The following KDM4C variants were observed in gnomAD, a reference collection of about 807,000 sequenced individuals.
The protein encoded by KDM4C is lysine-specific demethylase 4C.
KDM4C carries 81 observed loss-of-function variants against 129.3 expected under a neutral mutation model. The ratio of observed to expected loss-of-function variants is 0.63; its 90% CI spans 0.52 to 0.75. KDM4C has a LOEUF of 0.75. KDM4C is among the 30% of genes least tolerant of loss of function. KDM4C has a pLI of 0.00. For synonymous variants in KDM4C, 573 were observed against 456.1 expected (o/e 1.26, Z -3.26); for missense variants, 1,457 against 1,304.0 (o/e 1.12, Z -1.81).
intron 18 of KDM4C, among the ~76,000 whole-genome samples, chr9:7,123,288 T>C (rs1220317453): frequency 6.6e-6 from 1 of 152,224 alleles, no homozygotes; most frequent in Non-Finnish European, 1.5e-5. Context: ...TTCCCTTGGC[T>C]AGCCTCTTCT....
intron 1 of KDM4C, among the ~76,000 whole-genome samples, chr9:6,731,320 TTTTGC>T (rs1817326095): frequency 7.9e-6 from 1 of 126,994 alleles, no homozygotes; most frequent in Non-Finnish European, 1.7e-5. Flanking sequence ...TACATTTTTT[TTTTGC>T]TTTTTTTTTT....
At chr9:7,099,840 C>A (rs925297051) in intron 17 of KDM4C, among the ~76,000 whole-genome samples, 8 of 152,194 alleles carry the variant, frequency 5.3e-5, no homozygotes, top group African/African-American at 1.4e-4. Flanking sequence ...GCTCTCTAAC[C>A]TTCTTTCATT....
chr9:7,032,511 T>C (rs1277482459), intron 15 of KDM4C, among the ~76,000 whole-genome samples: 2 of 152,260 alleles, frequency 1.3e-5, no homozygotes, highest in Admixed American at 1.3e-4. Flanking sequence ...AGAATAACTA[T>C]GGATTTTCAT....
At chr9:6,806,034 G>A (rs1054702420) in intron 3 of KDM4C, among the ~76,000 whole-genome samples, 2 of 151,986 alleles carry the variant, frequency 1.3e-5, no homozygotes, top group Non-Finnish European at 2.9e-5. Flanking sequence ...ATGAGTTTTC[G>A]TTTCTACACA....
chr9:7,175,272 T>C lies in KDM4C; in HGVS notation c.*543T>C. On this transcript the variant is annotated 3_prime_UTR_variant, in exon 22 of 22. Transcript: ENST00000381309. ...ATGAGATTTACCCGTGTGCTATCTG[T>C]ATTTCCCTTGTACAGAACTTTTACA... 1 of 153,026 alleles carries C rather than the reference T, an allele frequency of 6.5e-6. No individual in the cohort carries two copies. The highest frequency in any genetic ancestry group is 1.5e-5 in the Non-Finnish European group (1 of 68,220). 9.5% of individuals were successfully genotyped at this position (153,026 alleles called of 1,614,324 possible). A position where few individuals can be genotyped will look rare whatever the true frequency, so the allele number is the denominator to read the frequency against.
chr9:7,063,153 G>A (rs948673024), intron 17 of KDM4C, among the ~76,000 whole-genome samples: 15 of 152,162 alleles, frequency 9.9e-5, no homozygotes, highest in Non-Finnish European at 1.8e-4. Context: ...ATAACCATGA[G>A]ATTTTGGTAC....
intron 8 of KDM4C, among the ~76,000 whole-genome samples, chr9:6,923,542 TA>T (rs1237173832): frequency 1.3e-5 from 2 of 152,190 alleles, no homozygotes; most frequent in African/African-American, 2.4e-5. Flanking sequence ...TGCAAACTTT[TA>T]CTTTCCATGA....
At chr9:7,074,922 A>G (rs1348332134) in intron 17 of KDM4C, among the ~76,000 whole-genome samples, 1 of 152,222 alleles carries the variant, frequency 6.6e-6, no homozygotes, top group Non-Finnish European at 1.5e-5. Context: ...AGGAGTTTAC[A>G]AAGGTCTCAG....
chr9:6,994,827 CT>C (rs1238272495), intron 12 of KDM4C, among the ~76,000 whole-genome samples: 2 of 152,192 alleles, frequency 1.3e-5, no homozygotes, highest in African/African-American at 4.8e-5. Flanking sequence ...TATGTCAGCT[CT>C]TTCAGTTTTG....
chr9:6,926,341 T>TAAAAAAAAAA (rs33974740), intron 8 of KDM4C, among the ~76,000 whole-genome samples: 52 of 107,392 alleles, frequency 4.8e-4, no homozygotes, highest in South Asian at 2.2e-3. Context: ...AGATAATTTG[T>TAAAAAAAAAA]AAAAAAAAAA....
At chr9:7,054,843 G>T (rs894546577) in intron 17 of KDM4C, among the ~76,000 whole-genome samples, 1 of 152,184 alleles carries the variant, frequency 6.6e-6, no homozygotes, top group Non-Finnish European at 1.5e-5. Context: ...GCAACTATTA[G>T]TTTTAAATAC....
intron 19 of KDM4C, among the ~76,000 whole-genome samples, chr9:7,148,656 G>A (rs1343008729): frequency 1.3e-5 from 2 of 152,170 alleles, no homozygotes; most frequent in East Asian, 1.9e-4. Flanking sequence ...CTTGTCCTGC[G>A]TCCAGGAAGA....
At chr9:6,807,793 G>C (rs1421616646) in intron 3 of KDM4C, among the ~76,000 whole-genome samples, 1 of 147,874 alleles carries the variant, frequency 6.8e-6, no homozygotes. Flanking sequence ...AGGGAGGTGG[G>C]GGGGGGGTCA....
intron 1 of KDM4C, chr9:6,734,854 A>G (rs747695721): frequency 1.9e-6 from 1 of 526,156 alleles, no homozygotes; most frequent in Non-Finnish European, 3.8e-6. Flanking sequence ...TCTTACACAA[A>G]TGTTTTGTTT....
chr9:6,835,677 T>C (rs868138462), intron 4 of KDM4C: 3 of 686,544 alleles, frequency 4.4e-6, no homozygotes, highest in African/African-American at 1.8e-5. Context: ...TGTTTTGTTT[T>C]GTTTTTGTTT....
chr9:6,879,216 C>G (rs1844062927), intron 5 of KDM4C, among the ~76,000 whole-genome samples: 1 of 152,100 alleles, frequency 6.6e-6, no homozygotes. Context: ...AATGATTATT[C>G]AAATTTATTG....
chr9:6,964,448 C>G (rs1041627099), intron 8 of KDM4C, among the ~76,000 whole-genome samples: 1 of 152,072 alleles, frequency 6.6e-6, no homozygotes, highest in Non-Finnish European at 1.5e-5. Context: ...GCATAGTATT[C>G]CATAGTGTAT....
At chr9:6,866,971 T>TTG (rs369963257) in intron 5 of KDM4C, among the ~76,000 whole-genome samples, 3,059 of 126,144 alleles carry the variant, frequency 0.024, 81 homozygotes, top group East Asian at 0.13. Flanking sequence ...AAATATATGT[T>TTG]TGTGTGTGTG....
At chr9:6,721,055 A>G (rs1816930405) in intron 1 of KDM4C, 1 of 1,415,020 alleles carries the variant, frequency 7.1e-7, no homozygotes, top group Non-Finnish European at 9.8e-7. Context: ...TGGTTCTGTC[A>G]CACTTAAAGC....
Sources: gnomAD v4.1 joint callset for allele counts (sites outside exome capture counted in the v4.1 genomes callset) on GRCh38, gnomAD v4.1.1 for gene constraint, MANE v1.5 for transcripts, NCBI Gene and HGNC (gene_info 2026-07-23, HGNC 2026-07-21) for gene names.